Variants in PAPSS1 observed in about 807,000 individuals in gnomAD.
The protein encoded by PAPSS1 is bifunctional 3'-phosphoadenosine 5'-phosphosulfate synthase 1.
PAPSS1 carries 50 observed loss-of-function variants against 72.0 expected under a neutral mutation model. The ratio of observed to expected loss-of-function variants is 0.69; its 90% CI spans 0.55 to 0.88. PAPSS1 has a LOEUF of 0.88. PAPSS1 is among the 40% of genes least tolerant of loss of function. The pLI is 0.00. For missense variants in PAPSS1, 657 were observed against 782.2 expected, an observed-to-expected ratio of 0.84 and a Z score of 1.91; for synonymous variants, 261 against 263.6, an observed-to-expected ratio of 0.99 and a Z score of 0.09.
At chr4:107,697,507 A>C (rs1723099352) in intron 2 of PAPSS1, among the ~76,000 whole-genome samples, 1 of 152,248 alleles carries the variant, frequency 6.6e-6, no homozygotes, top group Non-Finnish European at 1.5e-5. Flanking sequence ...ACTTTTACAC[A>C]ACAAAAACAA....
chr4:107,653,456 C>G, intron 9 of PAPSS1, 35 bp downstream of exon 9: 1 of 1,578,662 alleles, frequency 6.3e-7, no homozygotes, highest in Non-Finnish European at 8.6e-7. Flanking sequence ...TCTCTCCAAG[C>G]CGGCCTATAT....
chr4:107,661,614 T>C (rs1422447538), intron 5 of PAPSS1, among the ~76,000 whole-genome samples: 2 of 152,202 alleles, frequency 1.3e-5, no homozygotes, highest in Non-Finnish European at 2.9e-5. Flanking sequence ...AACTACATGA[T>C]GCCAATTTTG....
chr4:107,673,694 G>GAAC (rs1727559534), intron 5 of PAPSS1, among the ~76,000 whole-genome samples: 1 of 151,986 alleles, frequency 6.6e-6, no homozygotes, highest in Admixed American at 6.6e-5. Context: ...GAAATACAGA[G>GAAC]AACACCACCA....
intron 11 of PAPSS1, among the ~76,000 whole-genome samples, chr4:107,631,046 C>G (rs1373586651): frequency 6.6e-6 from 1 of 152,130 alleles, no homozygotes; most frequent in Non-Finnish European, 1.5e-5. Context: ...CAGTTACCTC[C>G]AGGCTATACA....
intron 9 of PAPSS1, among the ~76,000 whole-genome samples, chr4:107,650,193 G>A (rs1726802587): frequency 6.6e-6 from 1 of 152,190 alleles, no homozygotes; most frequent in South Asian, 2.1e-4. Context: ...CATCAGAACT[G>A]ACTTGTTATT....
intron 9 of PAPSS1, among the ~76,000 whole-genome samples, chr4:107,651,153 T>A (rs1243474875): frequency 6.6e-6 from 1 of 152,050 alleles, no homozygotes; most frequent in East Asian, 1.9e-4. Context: ...TGCTTCAAAA[T>A]CAGGAGTAAA....
At chr4:107,655,261 A>G (rs1257020161) in intron 7 of PAPSS1, among the ~76,000 whole-genome samples, 3 of 152,232 alleles carry the variant, frequency 2.0e-5, no homozygotes, top group African/African-American at 4.8e-5. Flanking sequence ...CACTTCCAAT[A>G]TATGAAAGAG....
intron 11 of PAPSS1, among the ~76,000 whole-genome samples, chr4:107,627,336 T>C (rs1031330682): frequency 2.0e-5 from 3 of 152,224 alleles, no homozygotes; most frequent in African/African-American, 4.8e-5. Flanking sequence ...CTTGCCACTA[T>C]ATTAGCAACT....
At position 107,680,138 on chromosome 4, in the gene PAPSS1, G is replaced by T. The variant is rs78638662; in HGVS notation, c.669+1877C>A. Among the ~76,000 whole-genome samples, 604 of 151,860 alleles carry T rather than the reference G, an allele frequency of 4.0e-3. 2 individuals carry two copies. The highest frequency in any genetic ancestry group is 0.014 in the African/African-American group (577 of 41,428). On this transcript the variant is annotated intron_variant, in intron 5 of 11. Transcript: ENST00000265174. ...CAGAAGAAGAGTGAAAAAGGCAAAA[G>T]AAATATTTCACATGATAATGGCCAA...
At chr4:107,683,528 A>G (rs1722687929) in intron 4 of PAPSS1, among the ~76,000 whole-genome samples, 1 of 152,232 alleles carries the variant, frequency 6.6e-6, no homozygotes, top group Non-Finnish European at 1.5e-5. Context: ...AAATGCTTAC[A>G]TGCAGCAAAG....
rs997060538 is a variant in PAPSS1 at position 107,686,916 on chromosome 4, C to T, written c.550+123G>A. ...GAGATAGAACAGTGTAATAAGACTA[C>T]ATTCTCTCCTCAAGGAGCTCCAAGT... On this transcript the variant is annotated intron_variant, in intron 4 of 11. Transcript: ENST00000265174. 6.2e-5 allele frequency: 56 copies of T among 899,712 alleles called. No individual in the cohort carries two copies. The Middle Eastern group carries it at 7.0e-4, about 11-fold the overall frequency. 55.7% of individuals were successfully genotyped at this position (899,712 alleles called of 1,614,324 possible).
chr4:107,691,636 T>G (rs1043340252), intron 3 of PAPSS1, among the ~76,000 whole-genome samples: 1 of 152,172 alleles, frequency 6.6e-6, no homozygotes, highest in Admixed American at 6.5e-5. Context: ...CAGCATAGCA[T>G]CTAAGCCCAG....
chr4:107,717,734 G>A (rs1409471925), intron 1 of PAPSS1, among the ~76,000 whole-genome samples: 1 of 151,996 alleles, frequency 6.6e-6, no homozygotes, highest in Non-Finnish European at 1.5e-5. Context: ...CCTTACCCCC[G>A]TGCCCAACCT....
At chr4:107,718,414 G>A (rs1212816006) in intron 1 of PAPSS1, 1 of 152,096 alleles carries the variant, frequency 6.6e-6, no homozygotes, top group Non-Finnish European at 1.5e-5. Flanking sequence ...AAAAAAAATA[G>A]TAATTTTTAT....
intron 3 of PAPSS1, among the ~76,000 whole-genome samples, chr4:107,689,957 G>C (rs180853394): frequency 6.6e-6 from 1 of 152,182 alleles, no homozygotes; most frequent in East Asian, 1.9e-4. Context: ...AATCAAGCAG[G>C]CACCAGGTCT....
intron 10 of PAPSS1, among the ~76,000 whole-genome samples, chr4:107,632,981 A>G (rs1221481218): frequency 6.6e-6 from 1 of 152,222 alleles, no homozygotes; most frequent in African/African-American, 2.4e-5. Context: ...TAGAAAGTGC[A>G]ATAGTAAGAG....
intron 1 of PAPSS1, among the ~76,000 whole-genome samples, chr4:107,703,783 T>C (rs1723267719): frequency 6.6e-6 from 1 of 152,216 alleles, no homozygotes; most frequent in South Asian, 2.1e-4. Context: ...TACGTAATGT[T>C]AATACCTCCC....
chr4:107,693,959 A>G lies in PAPSS1; in HGVS notation c.223T>C (p.Tyr75His). 1.9e-6 allele frequency: 3 copies of G among 1,613,724 alleles called. No homozygotes were observed. The highest frequency in any genetic ancestry group is 2.5e-6 in the Non-Finnish European group (3 of 1,179,832). The part of the protein sequence containing the change: ...KTTVSMALEE[Y>H]LVCHGIPCYT... ...CATGGAATACCATGACAAACCAGGT[A>G]CTCCTCCAAGGCCATGCTCACAGTA... Residue 75 changes from tyrosine (Y) to histidine (H), a missense_variant, in exon 3 of 12, where the codon TAC becomes CAC. By Grantham distance (83) the Tyr-to-His change is moderately conservative. Coordinates refer to ENST00000265174, the MANE Select transcript of PAPSS1 (RefSeq NM_005443.5).
At chr4:107,641,551 C>T (rs1319976277) in intron 10 of PAPSS1, among the ~76,000 whole-genome samples, 1 of 152,206 alleles carries the variant, frequency 6.6e-6, no homozygotes. Flanking sequence ...CTCTGAGCTT[C>T]AGTAATCTCA....
Sources: gnomAD v4.1 joint callset for allele counts (sites outside exome capture counted in the v4.1 genomes callset) on GRCh38, gnomAD v4.1.1 for gene constraint, MANE v1.5 for transcripts, NCBI Gene and HGNC (gene_info 2026-07-23, HGNC 2026-07-21) for gene names.